MATR3: variants seen among roughly 807,000 people sequenced by gnomAD.
MATR3 encodes the protein matrin-3.
A neutral mutation model predicts 85.5 loss-of-function variants in MATR3; 4 were observed. That is an observed-to-expected ratio of 0.05 (90% CI 0.02 to 0.11). MATR3 has a LOEUF of 0.11. Ranked by LOEUF, MATR3 falls within the 10% of genes least tolerant of loss-of-function variation. The pLI, the probability that MATR3 is intolerant of heterozygous loss-of-function variation, is 1.00. For missense variants in MATR3, 685 were observed against 1,016.1 expected (o/e 0.67, Z 4.43); for synonymous variants, 336 against 343.1 (o/e 0.98, Z 0.23).
intron 1 of MATR3, among the ~76,000 whole-genome samples, chr5:139,304,064 A>G (rs1754589693): frequency 6.6e-6 from 1 of 152,226 alleles, no homozygotes; most frequent in South Asian, 2.1e-4. Flanking sequence ...TTTCCTAACC[A>G]TACATAGGGA....
At chr5:139,302,040 T>C (rs1472939277) in intron 1 of MATR3, among the ~76,000 whole-genome samples, 1 of 152,232 alleles carries the variant, frequency 6.6e-6, no homozygotes, top group South Asian at 2.1e-4. Context: ...CTTGAAAATA[T>C]TCATGCTTGT....
rs747481977 is a variant in MATR3 at position 139,307,395 on chromosome 5, T to C, written c.-21T>C. On this transcript the variant is annotated 5_prime_UTR_variant, in exon 2 of 15. Coordinates refer to ENST00000394805, the MANE Select transcript of MATR3 (RefSeq NM_018834.6). This position sits in a 1 kb window ranked among gnomAD's most constrained non-coding sequence, Gnocchi z 4.4. ...AAATTTTTTTTTTTAATCTATAAAA[T>C]AGACAAGAGCTAGTTCTACAATGTC... 1.0e-5 allele frequency: 16 copies of C among 1,606,544 alleles called. No individual in the cohort carries two copies. In the Admixed American group the frequency reaches 2.6e-4, roughly 26 times the overall value.
chr5:139,276,078 G>A (rs570226703), intron 1 of MATR3: 4 of 456,628 alleles, frequency 8.8e-6, no homozygotes, highest in Non-Finnish European at 1.8e-5. Context: ...AGCTGCACAC[G>A]TGTTCACTGT....
chr5:139,331,650 G>C lies in MATR3; in HGVS notation c.*2255G>C, dbSNP rs556178232. 6.7e-5 allele frequency: 30 copies of C among 447,944 alleles called. No homozygotes were observed. The highest frequency in any genetic ancestry group is 6.3e-4 in the Admixed American group (26 of 41,388). The allele number at this position is 447,944 out of a possible 1,614,324, so 27.7% of individuals were successfully genotyped here. On this transcript the variant is annotated 3_prime_UTR_variant, in exon 15 of 15. Coordinates refer to ENST00000394805, the MANE Select transcript of MATR3 (RefSeq NM_018834.6). The stretch of plus-strand genomic sequence containing the variant: ...TTTAATCTTACATTATCCTACAAAA[G>C]TGAATGAAACTTCTAGAAGTACCTT...
At chr5:139,323,454 G>GTC (rs1406855742) in intron 12 of MATR3, among the ~76,000 whole-genome samples, 16 of 152,140 alleles carry the variant, frequency 1.1e-4, no homozygotes, top group African/African-American at 3.6e-4. Context: ...GAACAAGTAA[G>GTC]TCATTTAGAA....
At chr5:139,278,765 G>C in intron 2 of MATR3, 1 of 499,872 alleles carries the variant, frequency 2.0e-6, no homozygotes, top group South Asian at 1.4e-5. Context: ...TAATGAGAAA[G>C]CTGTTTCAGG....
chr5:139,331,142 G>A lies in MATR3; in HGVS notation c.*1747G>A, dbSNP rs1756126787. On this transcript the variant is annotated 3_prime_UTR_variant, in exon 15 of 15. Coordinates refer to ENST00000394805, the MANE Select transcript of MATR3 (RefSeq NM_018834.6). ...AATCTACAAAAACAGGATAGGCATTGTCTTTCAAATGTTCAGACCCCAGTT... is the reference window on the plus strand; with the variant it reads ...AATCTACAAAAACAGGATAGGCATTATCTTTCAAATGTTCAGACCCCAGTT... 1 of 454,092 alleles carries A rather than the reference G, an allele frequency of 2.2e-6. No individual in the cohort carries two copies. Among genetic ancestry groups the A allele is most frequent in the Non-Finnish European group, 4.4e-6 (1 of 226,776 alleles). The allele number at this position is 454,092 out of a possible 1,614,324, so 28.1% of individuals were successfully genotyped here. A position where few individuals can be genotyped will look rare whatever the true frequency, so the allele number is the denominator to read the frequency against.
At chr5:139,326,072 TG>T (rs774755705) in intron 13 of MATR3, 90 bp from the exon 14 acceptor site, 266 of 1,169,396 alleles carry the variant, frequency 2.3e-4, no homozygotes, top group Non-Finnish European at 3.1e-4. Flanking sequence ...AAAAACATGT[TG>T]TTTCATTTAA....
chr5:139,317,749 A>C (rs745541338), intron 7 of MATR3, 28 bp downstream of exon 7: 11 of 1,526,268 alleles, frequency 7.2e-6, no homozygotes, highest in Non-Finnish European at 9.9e-6. Context: ...GGTATTATTC[A>C]TTTATTCATG....
At chr5:139,314,549 G>A (rs1755150363) in intron 2 of MATR3, 126 bp from the exon 3 acceptor site, 1 of 737,288 alleles carries the variant, frequency 1.4e-6, no homozygotes, top group Non-Finnish European at 2.4e-6. Flanking sequence ...ATGTGATTTA[G>A]TGAATGGGCA....
chr5:139,317,192 G>A (rs1755294693), intron 6 of MATR3, 87 bp downstream of exon 6: 7 of 1,283,968 alleles, frequency 5.5e-6, no homozygotes, highest in South Asian at 1.2e-5. Context: ...AGTATGTATC[G>A]TGGTCCTTAT....
chr5:139,319,324 T>C lies in MATR3; in HGVS notation c.1435-10T>C, dbSNP rs772340385. 4.4e-6 allele frequency: 7 copies of C among 1,583,892 alleles called. No individual in the cohort carries two copies. The highest frequency in any genetic ancestry group is 6.1e-6 in the Non-Finnish European group (7 of 1,154,938). ...CACATTTGTCCTTTTGTTGTTGTTA[T>C]TTATTAAAGAAACCTGAAGGAAAGC... On this transcript the variant is annotated splice_polypyrimidine_tract_variant and intron_variant, in intron 8 of 14. Coordinates refer to ENST00000394805, the MANE Select transcript of MATR3 (RefSeq NM_018834.6).
chr5:139,325,713 C>A, intron 13 of MATR3, 51 bp downstream of exon 13: 1 of 1,481,802 alleles, frequency 6.7e-7, no homozygotes, highest in Non-Finnish European at 9.4e-7. Flanking sequence ...TCAAAACAAA[C>A]TCTTAGGTTT....
exon 1 of MATR3, chr5:139,274,137 C>T (rs1409691230): frequency 2.3e-6 from 1 of 440,066 alleles, no homozygotes; most frequent in African/African-American, 2.0e-5. Flanking sequence ...GCTGCTGCGC[C>T]CTGCGGAGCT....
chr5:139,278,718 C>CCTGGAGTGCCTAGA (rs1491435555), intron 2 of MATR3: 11 of 474,140 alleles, frequency 2.3e-5, no homozygotes, highest in South Asian at 1.5e-4. Context: ...TCAACTGATA[C>CCTGGAGTGCCTAGA]GTCTTCTACC....
At chr5:139,277,016 A>T (rs185080620) in intron 2 of MATR3, among the ~76,000 whole-genome samples, 1 of 152,344 alleles carries the variant, frequency 6.6e-6, no homozygotes, top group East Asian at 1.9e-4. Flanking sequence ...GATTTTCAGA[A>T]ATGAACAGTT....
intron 2 of MATR3, chr5:139,276,202 G>A (rs1290915948): frequency 8.8e-6 from 4 of 456,606 alleles, no homozygotes; most frequent in South Asian, 6.2e-5. Flanking sequence ...CAGCTGCCTA[G>A]GTTGTCTTGT....
At chr5:139,279,418 G>C (rs547809536) in intron 3 of MATR3, 1 of 273,712 alleles carries the variant, frequency 3.7e-6, no homozygotes, top group Non-Finnish European at 7.2e-6. Flanking sequence ...AAGTAGAGAC[G>C]AGGTTTCACC....
At position 139,330,266 on chromosome 5, in the gene MATR3, G is replaced by A. The variant is rs1561948666; in HGVS notation, c.*871G>A. ...TCCTAGATGCACGCTTCTAATTCAT[G>A]TACCTGCACATGTGACCTTTGTGAA... On this transcript the variant is annotated 3_prime_UTR_variant, in exon 15 of 15. Coordinates refer to ENST00000394805, the MANE Select transcript of MATR3 (RefSeq NM_018834.6). 2.2e-6 allele frequency: 1 copy of A among 453,586 alleles called. No individual in the cohort carries two copies. Among genetic ancestry groups the A allele is most frequent in the African/African-American group, 2.0e-5 (1 of 50,058 alleles). The allele number at this position is 453,586 out of a possible 1,614,324, so 28.1% of individuals were successfully genotyped here. A position where few individuals can be genotyped will look rare whatever the true frequency, so the allele number is the denominator to read the frequency against.
Sources: allele counts gnomAD v4.1 joint callset (sites outside exome capture counted in the v4.1 genomes callset), GRCh38; gene constraint gnomAD v4.1.1; non-coding constraint Gnocchi (gnomAD v3.1); transcripts MANE v1.5; gene names NCBI Gene and HGNC (gene_info 2026-07-23, HGNC 2026-07-21).